Variants in THSD4 observed in about 807,000 individuals in gnomAD.
The protein encoded by THSD4 is thrombospondin type 1 domain containing 4, also known as thrombospondin type-1 domain-containing protein 4.
THSD4 carries 69 observed loss-of-function variants against 119.0 expected under a neutral mutation model. The observed-to-expected ratio is 0.58, with a 90% CI of 0.48 to 0.71. The LOEUF (loss-of-function observed/expected upper bound fraction) is 0.71, where lower values mean the gene tolerates loss of function less well. Ranked by LOEUF, THSD4 falls within the 30% of genes least tolerant of loss-of-function variation. THSD4 has a pLI of 0.00. For synonymous variants in THSD4, 524 were observed against 540.4 expected (o/e 0.97, Z 0.42); for missense variants, 1,393 against 1,391.1 (o/e 1.00, Z -0.02).
chr15:71,186,320 G>GA (rs1213153647), intron 3 of THSD4: 1 of 152,218 alleles, frequency 6.6e-6, no homozygotes, highest in Non-Finnish European at 1.5e-5. Flanking sequence ...CAGGGCAGCT[G>GA]AACCTCATTT....
intron 7 of THSD4, among the ~76,000 whole-genome samples, chr15:71,549,123 C>T (rs541858477): frequency 6.6e-6 from 1 of 152,294 alleles, no homozygotes; most frequent in East Asian, 1.9e-4. Flanking sequence ...CAGGCTCACC[C>T]AAATCTTGGT....
At chr15:71,605,671 G>A (rs564756336) in intron 7 of THSD4, among the ~76,000 whole-genome samples, 31 of 152,330 alleles carry the variant, frequency 2.0e-4, no homozygotes, top group African/African-American at 6.7e-4. Context: ...TCGAGAACTA[G>A]ATTTTAGACT....
intron 7 of THSD4, among the ~76,000 whole-genome samples, chr15:71,639,029 C>T (rs975155396): frequency 6.6e-6 from 1 of 152,140 alleles, no homozygotes; most frequent in Admixed American, 6.5e-5. Context: ...AAGAATTGAG[C>T]ATCGGCAGTT....
intron 6 of THSD4, among the ~76,000 whole-genome samples, chr15:71,369,300 C>T (rs1333487445): frequency 2.0e-5 from 3 of 152,130 alleles, no homozygotes; most frequent in Non-Finnish European, 4.4e-5. Context: ...TTGCCCTGGC[C>T]AGAACTTCCA....
chr15:71,296,297 G>A (rs1401467820), intron 6 of THSD4, among the ~76,000 whole-genome samples: 4 of 152,136 alleles, frequency 2.6e-5, no homozygotes, highest in Non-Finnish European at 5.9e-5. Context: ...TTACCCTCTG[G>A]AGAGCTTTTT....
At chr15:71,161,120 T>G (rs2043246426) in intron 3 of THSD4, among the ~76,000 whole-genome samples, 1 of 152,138 alleles carries the variant, frequency 6.6e-6, no homozygotes, top group Non-Finnish European at 1.5e-5. Flanking sequence ...AAAAGATACA[T>G]GTTACATTAT....
At chr15:71,650,396 T>G (rs1595827769) in intron 7 of THSD4, among the ~76,000 whole-genome samples, 2 of 152,288 alleles carry the variant, frequency 1.3e-5, no homozygotes, top group South Asian at 4.1e-4. Flanking sequence ...TCAGTAGCCC[T>G]GGGAAGCGGT....
At chr15:71,335,275 CTCTTT>C (rs1030586942) in intron 6 of THSD4, among the ~76,000 whole-genome samples, 5 of 152,100 alleles carry the variant, frequency 3.3e-5, no homozygotes, top group African/African-American at 4.8e-5. Context: ...TAGTTGAGGG[CTCTTT>C]TCTTAAATCA....
At chr15:71,199,680 G>A (rs1389130329) in intron 3 of THSD4, among the ~76,000 whole-genome samples, 10 of 31,362 alleles carry the variant, frequency 3.2e-4, no homozygotes, top group Middle Eastern at 0.014. Flanking sequence ...TGGAGGGTGT[G>A]TGTGTGTGTG....
chr15:71,237,805 G>C (rs935362081), intron 4 of THSD4, among the ~76,000 whole-genome samples: 2 of 152,146 alleles, frequency 1.3e-5, no homozygotes. Flanking sequence ...ACTGGATGGA[G>C]TGACTTTGCT....
At chr15:71,098,189 CTTTTTT>C (rs55726832) in intron 1 of THSD4, among the ~76,000 whole-genome samples, 36 of 83,232 alleles carry the variant, frequency 4.3e-4, no homozygotes, top group East Asian at 1.4e-3. Flanking sequence ...AATTCTTTCA[CTTTTTT>C]TTTTTTTTTT....
In THSD4 at chr15:71,608,249, T is replaced by TATATATATAC. The variant is rs772729777; in HGVS notation, c.1153-52280_1153-52279insTATATATACA. Among the ~76,000 whole-genome samples the TATATATATAC allele has an allele frequency of 9.7e-3, 1,030 of 106,146 alleles. 14 individuals are homozygous for TATATATATAC. The highest frequency in any genetic ancestry group is 0.034 in the African/African-American group (921 of 27,176). 69.6% of individuals were successfully genotyped at this position (106,146 alleles called of 152,430 possible). On this transcript the variant is annotated intron_variant, in intron 7 of 17. Transcript: ENST00000261862. Reference sequence around the variant, plus strand: ...AAAAAAAAAAAAAAATATATATATATACACACACACACACACACACACACA... The same window carrying TATATATATAC: ...AAAAAAAAAAAAAAATATATATATATATATATATACACACACACACACACACACACACACA...
At chr15:71,677,502 A>G (rs986021634) in intron 8 of THSD4, among the ~76,000 whole-genome samples, 2 of 152,188 alleles carry the variant, frequency 1.3e-5, no homozygotes, top group African/African-American at 2.4e-5. Context: ...TTTGGATTAC[A>G]TACTTTCCAC....
chr15:71,515,342 T>G (rs1242337135), intron 7 of THSD4, among the ~76,000 whole-genome samples: 1 of 152,194 alleles, frequency 6.6e-6, no homozygotes, highest in East Asian at 1.9e-4. Flanking sequence ...GAAAACCATT[T>G]CTTTAAAAAT....
chr15:71,510,996 T>C (rs980059560), intron 7 of THSD4, among the ~76,000 whole-genome samples: 11 of 152,132 alleles, frequency 7.2e-5, no homozygotes, highest in Non-Finnish European at 1.0e-4. Context: ...AGTGATGTTT[T>C]GTATGAGAGG....
chr15:71,199,672 G>GT (rs1567154734), intron 3 of THSD4, among the ~76,000 whole-genome samples: 2 of 27,062 alleles, frequency 7.4e-5, no homozygotes, highest in Admixed American at 3.6e-4. Context: ...TGCATGTGTG[G>GT]AGGGTGTGTG....
intron 6 of THSD4, among the ~76,000 whole-genome samples, chr15:71,337,769 C>T (rs2045507397): frequency 6.6e-6 from 1 of 152,036 alleles, no homozygotes; most frequent in Non-Finnish European, 1.5e-5. Context: ...AGAGGCTGAG[C>T]CCACCGGAGA....
chr15:71,268,473 T>G (rs2044488853), intron 6 of THSD4, among the ~76,000 whole-genome samples: 2 of 152,136 alleles, frequency 1.3e-5, no homozygotes, highest in Admixed American at 1.3e-4. Context: ...ACAGGGAAAT[T>G]TATAGCACTA....
chr15:71,297,356 G>T (rs147398584), intron 6 of THSD4, among the ~76,000 whole-genome samples: 1 of 135,694 alleles, frequency 7.4e-6, no homozygotes, highest in Non-Finnish European at 1.6e-5. Context: ...TTGTTTCTGA[G>T]ACGGAATCTC....
Sources: allele counts gnomAD v4.1 joint callset (sites outside exome capture counted in the v4.1 genomes callset), GRCh38; gene constraint gnomAD v4.1.1; transcripts MANE v1.5; gene names NCBI Gene and HGNC (gene_info 2026-07-23, HGNC 2026-07-21).